Variants in TSPEAR observed in about 807,000 individuals in gnomAD.
TSPEAR encodes thrombospondin type laminin G domain and EAR repeats.
A neutral mutation model predicts 71.6 loss-of-function variants in TSPEAR; 69 were observed. That is an observed-to-expected ratio of 0.96 (90% CI 0.79 to 1.18). The LOEUF is 1.18. Among genes scored for constraint, TSPEAR ranks in the 50% most tolerant of loss-of-function variants. The pLI, the probability that TSPEAR is intolerant of heterozygous loss-of-function variation, is 0.00. For synonymous variants in TSPEAR, 402 were observed against 387.2 expected (o/e 1.04, Z -0.45); for missense variants, 971 against 894.9 (o/e 1.09, Z -1.09).
At chr21:44,518,780 C>T (rs1005883649) in intron 9 of TSPEAR, 2 of 444,852 alleles carry the variant, frequency 4.5e-6, no homozygotes, top group Non-Finnish European at 4.8e-6. Context: ...CGTTTCAAAT[C>T]CCTTCCTGGT....
intron 3 of TSPEAR, among the ~76,000 whole-genome samples, chr21:44,533,232 G>A (rs782276443): frequency 1.2e-4 from 19 of 152,190 alleles, no homozygotes; most frequent in Admixed American, 2.0e-4. Context: ...CTTCCAGCCC[G>A]AATCCAGGGC....
At chr21:44,646,472 C>G (rs781894894) in intron 1 of TSPEAR, 1 of 1,612,386 alleles carries the variant, frequency 6.2e-7, no homozygotes, top group South Asian at 1.1e-5. Flanking sequence ...GCCGCGTCCA[C>G]CATGTCTGTC....
chr21:44,655,211 A>G (rs1458541463), intron 1 of TSPEAR, among the ~76,000 whole-genome samples: 1 of 148,504 alleles, frequency 6.7e-6, no homozygotes, highest in Non-Finnish European at 1.5e-5. Context: ...TTTGTAAGTC[A>G]TAGAGGGTTT....
intron 1 of TSPEAR, among the ~76,000 whole-genome samples, chr21:44,615,179 T>C (rs1260788150): frequency 1.3e-5 from 2 of 152,250 alleles, no homozygotes; most frequent in African/African-American, 4.8e-5. Context: ...CGGCACTGTT[T>C]GTTACCATGA....
chr21:44,638,143 C>T (rs13051517), intron 1 of TSPEAR: 604,224 of 1,605,290 alleles, frequency 0.38, 115,074 homozygotes, highest in Admixed American at 0.48. Context: ...CCTGCTACAG[C>T]CTCTGCTCTG....
intron 1 of TSPEAR, among the ~76,000 whole-genome samples, chr21:44,704,288 C>T (rs1267508146): frequency 2.7e-5 from 4 of 149,562 alleles, no homozygotes; most frequent in Non-Finnish European, 4.4e-5. Context: ...CCATGGAACA[C>T]GGGGTGAGAG....
At position 44,702,524 on chromosome 21, in the gene TSPEAR, T is replaced by C; in HGVS notation, c.82+8909A>G. On this transcript the variant is annotated intron_variant, in intron 1 of 11. Transcript: ENST00000323084. ...TGCAAGCCCGTCTGCTGTGTGCCTG[T>C]CTGCTCTGGGGCTTCCTCCCTGTGC... 3 of 1,608,196 alleles carry C rather than the reference T, an allele frequency of 1.9e-6. No homozygotes were observed. The South Asian group carries it at 3.3e-5, about 18-fold the overall frequency.
rs1420508492 is a variant in TSPEAR at position 44,528,574 on chromosome 21, A to G, written c.800T>C (p.Ile267Thr). The G allele has an allele frequency of 1.4e-5, 23 of 1,613,758 alleles. No individual in the cohort carries two copies. The highest frequency in any genetic ancestry group is 1.9e-5 in the Non-Finnish European group (22 of 1,179,904). ...EVLKYPYETN[I>T]RVTLGPQPPC... is the part of the protein sequence containing the mutation. ...TGGCTGGGGTCCCAGCGTCACTCGA[A>G]TGTTGGTTTCTGAGGGGAAGACCAG... Residue 267 changes from isoleucine (I) to threonine (T), a missense_variant, in exon 6 of 12, where the codon ATT becomes ACT. Coordinates refer to ENST00000323084, the MANE Select transcript of TSPEAR (RefSeq NM_144991.3).
chr21:44,702,899 A>C (rs1555951761), intron 1 of TSPEAR: 1 of 640,480 alleles, frequency 1.6e-6, no homozygotes, highest in East Asian at 2.8e-5. Context: ...GCACTGGTAC[A>C]CACCACAGTG....
chr21:44,672,433 G>C (rs1555946159), intron 1 of TSPEAR, among the ~76,000 whole-genome samples: 1 of 152,186 alleles, frequency 6.6e-6, no homozygotes, highest in Non-Finnish European at 1.5e-5. Context: ...AGCCGGGCGT[G>C]GTGGCAGGTG....
intron 6 of TSPEAR, among the ~76,000 whole-genome samples, chr21:44,527,839 G>A (rs1424031798): frequency 1.3e-5 from 2 of 152,222 alleles, no homozygotes; most frequent in African/African-American, 4.8e-5. Flanking sequence ...CACACGTGCT[G>A]GGCGGAACCC....
chr21:44,556,323 C>T (rs897523662), intron 2 of TSPEAR, among the ~76,000 whole-genome samples: 2 of 151,846 alleles, frequency 1.3e-5, no homozygotes, highest in African/African-American at 2.4e-5. Context: ...TTGTACTGAG[C>T]GGAGATTGCT....
chr21:44,562,143 C>A (rs1555921148), intron 2 of TSPEAR, among the ~76,000 whole-genome samples: 2 of 152,124 alleles, frequency 1.3e-5, no homozygotes, highest in Non-Finnish European at 2.9e-5. Flanking sequence ...TCTCAGCATG[C>A]AAAATCAATG....
intron 1 of TSPEAR, among the ~76,000 whole-genome samples, chr21:44,637,204 G>C (rs1316877594): frequency 6.6e-6 from 1 of 152,200 alleles, no homozygotes; most frequent in Non-Finnish European, 1.5e-5. Flanking sequence ...GGAGCAGAGT[G>C]AGGACAAGTC....
At position 44,703,949 on chromosome 21, in the gene TSPEAR, AC is replaced by A. The variant is rs557727954; in HGVS notation, c.82+7483del. On this transcript the variant is annotated intron_variant, in intron 1 of 11. Transcript: ENST00000323084. The stretch of plus-strand genomic sequence containing the variant: ...AACCGGCTGGGACTGAGAGGGGTGC[AC>A]AGGGCTGCAATCCCAGGAGGCCCTG... Among the ~76,000 whole-genome samples the A allele has an allele frequency of 8.2e-4, 125 of 152,290 alleles. 1 individual carries two copies. The highest frequency in any genetic ancestry group is 3.4e-3 in the Middle Eastern group (1 of 294).
chr21:44,671,247 G>A (rs1272398258), intron 1 of TSPEAR, among the ~76,000 whole-genome samples: 5 of 152,226 alleles, frequency 3.3e-5, no homozygotes, highest in Admixed American at 2.6e-4. Flanking sequence ...AGGAAGTGCT[G>A]TCTGAGAGCC....
chr21:44,543,886 T>C (rs1320734917), intron 2 of TSPEAR, among the ~76,000 whole-genome samples: 2 of 152,210 alleles, frequency 1.3e-5, no homozygotes, highest in Non-Finnish European at 1.5e-5. Context: ...TGTAATTAGC[T>C]ATGGTAGCAC....
intron 1 of TSPEAR, among the ~76,000 whole-genome samples, chr21:44,654,847 CCG>C (rs138351603): frequency 0.13 from 15,968 of 120,058 alleles, 1,135 homozygotes; most frequent in South Asian, 0.31. Context: ...ATTCAGCAGA[CCG>C]TGTGTTTCCT....
chr21:44,628,220 C>G (rs1214997764), intron 1 of TSPEAR: 8 of 762,718 alleles, frequency 1.0e-5, no homozygotes, highest in East Asian at 2.7e-5. Context: ...GACCTCCCCC[C>G]CGGGCAGGCG....
Sources: allele counts gnomAD v4.1 joint callset (sites outside exome capture counted in the v4.1 genomes callset), GRCh38; gene constraint gnomAD v4.1.1; transcripts MANE v1.5; gene names NCBI Gene and HGNC (gene_info 2026-07-23, HGNC 2026-07-21).